Variants in IL1RAPL1 observed in about 807,000 individuals in gnomAD.
IL1RAPL1 encodes the protein interleukin-1 receptor accessory protein-like 1.
A neutral mutation model predicts 48.4 loss-of-function variants in IL1RAPL1; 3 were observed. The ratio of observed to expected loss-of-function variants is 0.06; its 90% CI spans 0.03 to 0.16. The LOEUF (loss-of-function observed/expected upper bound fraction) is 0.16. Among genes scored for constraint, IL1RAPL1 ranks in the 10% least tolerant of loss-of-function variants. The probability of loss-of-function intolerance (pLI) is 1.00; values close to 1 mark genes in which losing one functional copy is unlikely to be tolerated. For synonymous variants in IL1RAPL1, 185 were observed against 187.7 expected, an observed-to-expected ratio of 0.99 and a Z score of 0.12; for missense variants, 349 against 530.6, an observed-to-expected ratio of 0.66 and a Z score of 3.36.
intron 2 of IL1RAPL1, among the ~76,000 whole-genome samples, chrX:28,830,393 G>T (rs1921015328): frequency 9.0e-6 from 1 of 111,538 alleles, no homozygotes; most frequent in Non-Finnish European, 1.9e-5. Context: ...CATGTTTGCA[G>T]ATTCTTTCTT....
At chrX:29,833,594 G>T (rs1930929151) in intron 6 of IL1RAPL1, among the ~76,000 whole-genome samples, 1 of 111,269 alleles carries the variant, frequency 9.0e-6, no homozygotes, top group Admixed American at 9.6e-5. Context: ...GAACACCTGG[G>T]TTTATTCTAC....
chrX:29,730,270 T>A (rs1444816910), intron 6 of IL1RAPL1, among the ~76,000 whole-genome samples: 2 of 112,296 alleles, frequency 1.8e-5, no homozygotes, highest in African/African-American at 6.5e-5. Flanking sequence ...TTGCATTATT[T>A]AGCCTTCCTC....
At chrX:29,605,276 T>C (rs1352376192) in intron 5 of IL1RAPL1, among the ~76,000 whole-genome samples, 2 of 111,672 alleles carry the variant, frequency 1.8e-5, no homozygotes, top group African/African-American at 6.5e-5. Context: ...GAAGCCATCA[T>C]GTCTTTAGAC....
intron 8 of IL1RAPL1, 117 bp from the exon 9 acceptor site, chrX:29,941,534 T>A: frequency 1.3e-6 from 1 of 749,714 alleles, no homozygotes; most frequent in Admixed American, 2.2e-5. Flanking sequence ...AGGGGTTGTG[T>A]CAACCCGTTA....
At chrX:29,686,706 C>T (rs927190142) in intron 6 of IL1RAPL1, among the ~76,000 whole-genome samples, 10 of 108,805 alleles carry the variant, frequency 9.2e-5, no homozygotes, top group East Asian at 5.7e-4. Context: ...TACAGGCGCC[C>T]GCCACCACGC....
chrX:29,888,858 A>G (rs1431902648), intron 6 of IL1RAPL1, among the ~76,000 whole-genome samples: 2 of 111,674 alleles, frequency 1.8e-5, no homozygotes, highest in African/African-American at 6.5e-5. Flanking sequence ...GTGTTTTTAA[A>G]AGACGCTTCT....
intron 5 of IL1RAPL1, among the ~76,000 whole-genome samples, chrX:29,416,849 T>C (rs1934223868): frequency 9.0e-6 from 1 of 111,449 alleles, no homozygotes; most frequent in African/African-American, 3.3e-5. Flanking sequence ...AGAAACCCAT[T>C]TGAGGCATGT....
rs775552164 is a variant in IL1RAPL1 at position 29,798,671 on chromosome X, A to T, written c.779-118793A>T. Among the ~76,000 whole-genome samples the T allele has an allele frequency of 1.7e-4, 19 of 112,137 alleles. No individual in the cohort carries two copies. In the South Asian group the frequency reaches 7.2e-3, roughly 42 times the overall value. On this transcript the variant is annotated intron_variant, in intron 6 of 10. Coordinates refer to ENST00000378993, the MANE Select transcript of IL1RAPL1 (RefSeq NM_014271.4). ...GGGCAATTTTAAACCATAAAGCCTA[A>T]TTTAACTGCGCTAAGAATGACAATA...
At chrX:29,601,953 G>A (rs903050189) in intron 5 of IL1RAPL1, among the ~76,000 whole-genome samples, 4 of 111,902 alleles carry the variant, frequency 3.6e-5, no homozygotes, top group African/African-American at 1.3e-4. Context: ...AGTTTCTTTG[G>A]AGTATTCATT....
chrX:29,866,763 G>T (rs1239923117), intron 6 of IL1RAPL1, among the ~76,000 whole-genome samples: 1 of 108,209 alleles, frequency 9.2e-6, no homozygotes, highest in African/African-American at 3.4e-5. Context: ...GACCAGTCTT[G>T]TTAACATTGC....
At chrX:28,804,336 T>G (rs1248522698) in intron 2 of IL1RAPL1, among the ~76,000 whole-genome samples, 1 of 111,893 alleles carries the variant, frequency 8.9e-6, no homozygotes, top group Non-Finnish European at 1.9e-5. Flanking sequence ...ATAAGTGATA[T>G]GAGATATCAT....
intron 2 of IL1RAPL1, among the ~76,000 whole-genome samples, chrX:28,852,363 G>A (rs1327600279): frequency 9.3e-6 from 1 of 107,720 alleles, no homozygotes; most frequent in Admixed American, 1.0e-4. Context: ...CTAAATGTTA[G>A]ATGTTGATAT....
At chrX:28,825,100 A>T (rs147998843) in intron 2 of IL1RAPL1, among the ~76,000 whole-genome samples, 172 of 111,927 alleles carry the variant, frequency 1.5e-3, no homozygotes, top group African/African-American at 5.5e-3. Flanking sequence ...CATGTTTGTG[A>T]AACTCCTAGA....
chrX:29,660,825 G>A (rs756830810), intron 5 of IL1RAPL1, among the ~76,000 whole-genome samples: 23 of 111,913 alleles, frequency 2.1e-4, no homozygotes, highest in Non-Finnish European at 2.8e-4. Context: ...GCTCTATTTC[G>A]TTCCATATGA....
chrX:28,626,063 A>G (rs1272120214), intron 1 of IL1RAPL1, among the ~76,000 whole-genome samples: 2 of 112,011 alleles, frequency 1.8e-5, no homozygotes, highest in African/African-American at 6.5e-5. Context: ...AGAAAATATG[A>G]GTTAGAGTTG....
intron 6 of IL1RAPL1, among the ~76,000 whole-genome samples, chrX:29,677,164 A>T (rs995761088): frequency 1.8e-5 from 2 of 112,264 alleles, no homozygotes; most frequent in African/African-American, 6.5e-5. Context: ...TCAGCTAAAT[A>T]ACTAAGGATT....
At chrX:29,088,971 C>T (rs941923356) in intron 2 of IL1RAPL1, among the ~76,000 whole-genome samples, 7 of 111,245 alleles carry the variant, frequency 6.3e-5, no homozygotes, top group Non-Finnish European at 1.3e-4. Context: ...CGCCAGTTGT[C>T]AAGAAAAAAA....
At chrX:29,529,794 A>G (rs1006125596) in intron 5 of IL1RAPL1, among the ~76,000 whole-genome samples, 1 of 111,173 alleles carries the variant, frequency 9.0e-6, no homozygotes, top group African/African-American at 3.3e-5. Flanking sequence ...AGAAAAAAAT[A>G]CTATATGTGA....
chrX:29,035,055 G>C (rs1184442744), intron 2 of IL1RAPL1, among the ~76,000 whole-genome samples: 1 of 110,837 alleles, frequency 9.0e-6, no homozygotes, highest in Non-Finnish European at 1.9e-5. Context: ...TTTTAGTAGA[G>C]ACAGGGTTTC....
Sources: allele counts gnomAD v4.1 joint callset (sites outside exome capture counted in the v4.1 genomes callset), GRCh38; gene constraint gnomAD v4.1.1; transcripts MANE v1.5; gene names NCBI Gene and HGNC (gene_info 2026-07-23, HGNC 2026-07-21).